The following SGCD variants were observed in gnomAD, a reference collection of about 807,000 sequenced individuals.
The protein encoded by SGCD is delta-sarcoglycan.
In SGCD, 18 loss-of-function variants were observed where a neutral mutation model predicts 36.6. The observed-to-expected ratio is 0.49, with a 90% CI of 0.34 to 0.73. SGCD has a LOEUF of 0.73. Among genes scored for constraint, SGCD ranks in the 30% least tolerant of loss-of-function variants. SGCD has a pLI of 0.01. For synonymous variants in SGCD, 133 were observed against 130.6 expected, an observed-to-expected ratio of 1.02 and a Z score of -0.12; for missense variants, 387 against 346.7, an observed-to-expected ratio of 1.12 and a Z score of -0.92.
chr5:156,605,764 C>A (rs1219218910), intron 6 of SGCD, among the ~76,000 whole-genome samples: 1 of 152,210 alleles, frequency 6.6e-6, no homozygotes, highest in East Asian at 1.9e-4. Context: ...GAGGGTATCT[C>A]ATTGTGGTTT....
intron 3 of SGCD, among the ~76,000 whole-genome samples, chr5:156,151,254 C>A (rs1038148900): frequency 7.3e-5 from 11 of 151,648 alleles, no homozygotes; most frequent in African/African-American, 2.7e-4. Flanking sequence ...GTATCTATGG[C>A]AGTCACCTGC....
At chr5:156,270,182 G>C (rs1766137171) in intron 3 of SGCD, among the ~76,000 whole-genome samples, 1 of 152,138 alleles carries the variant, frequency 6.6e-6, no homozygotes, top group Non-Finnish European at 1.5e-5. Context: ...GGTCATAGCT[G>C]TGTGGCCTTA....
chr5:156,667,816 G>A (rs922493653), intron 7 of SGCD, among the ~76,000 whole-genome samples: 1 of 152,146 alleles, frequency 6.6e-6, no homozygotes, highest in Non-Finnish European at 1.5e-5. Flanking sequence ...TCTTTCATCA[G>A]GGCTCAAGAA....
chr5:155,977,519 A>G (rs1238957501), intron 1 of SGCD, among the ~76,000 whole-genome samples: 1 of 152,224 alleles, frequency 6.6e-6, no homozygotes, highest in Admixed American at 6.5e-5. Flanking sequence ...GAATAAATGA[A>G]TGATTGGGTG....
chr5:156,724,583 G>A (rs1755677391), intron 7 of SGCD, among the ~76,000 whole-genome samples: 1 of 151,890 alleles, frequency 6.6e-6, no homozygotes, highest in African/African-American at 2.4e-5. Context: ...CTCCAGCCTG[G>A]GTGACAGAGC....
At chr5:155,951,186 G>T (rs1311328201) in intron 1 of SGCD, among the ~76,000 whole-genome samples, 2 of 152,054 alleles carry the variant, frequency 1.3e-5, no homozygotes, top group Non-Finnish European at 2.9e-5. Context: ...TCACATCAAA[G>T]TAGCAAGATC....
At chr5:155,988,245 A>G (rs1165928626) in intron 1 of SGCD, among the ~76,000 whole-genome samples, 6 of 152,122 alleles carry the variant, frequency 3.9e-5, no homozygotes, top group Non-Finnish European at 7.4e-5. Context: ...GTAACTCCAA[A>G]CATCACAAGC....
chr5:156,201,395 T>C (rs1265701732), intron 3 of SGCD, among the ~76,000 whole-genome samples: 1 of 152,172 alleles, frequency 6.6e-6, no homozygotes, highest in East Asian at 1.9e-4. Flanking sequence ...GCCCAGAACA[T>C]GCTTTCAGTA....
chr5:156,690,975 G>A (rs1754083403), intron 7 of SGCD, among the ~76,000 whole-genome samples: 1 of 152,032 alleles, frequency 6.6e-6, no homozygotes, highest in Non-Finnish European at 1.5e-5. Context: ...GGGAGTCCAA[G>A]GTGGGTGGAT....
intron 3 of SGCD, among the ~76,000 whole-genome samples, chr5:156,249,315 G>A (rs1254451073): frequency 6.6e-6 from 1 of 152,182 alleles, no homozygotes; most frequent in Non-Finnish European, 1.5e-5. Context: ...GCTGGGAGAT[G>A]AGAGTGTTCA....
chr5:156,566,289 T>C (rs1438445303), intron 4 of SGCD, among the ~76,000 whole-genome samples: 3 of 152,190 alleles, frequency 2.0e-5, no homozygotes, highest in Non-Finnish European at 4.4e-5. Context: ...AATAAAGATA[T>C]TGCCGGCATT....
intron 3 of SGCD, among the ~76,000 whole-genome samples, chr5:156,436,399 A>G (rs963112250): frequency 1.3e-5 from 2 of 152,238 alleles, no homozygotes; most frequent in African/African-American, 4.8e-5. Context: ...TTCTTATCAT[A>G]TTGAAATCAG....
chr5:156,642,484 T>A (rs1051653843), intron 6 of SGCD, among the ~76,000 whole-genome samples: 1 of 143,478 alleles, frequency 7.0e-6, no homozygotes, highest in African/African-American at 2.5e-5. Context: ...TTTTTTTTTT[T>A]TCCAAGACGG....
chr5:156,212,736 G>T (rs1465735754), intron 3 of SGCD, among the ~76,000 whole-genome samples: 1 of 152,054 alleles, frequency 6.6e-6, no homozygotes, highest in Non-Finnish European at 1.5e-5. Context: ...TTCTCGGATA[G>T]ATCACGTTAG....
chr5:155,784,834 G>A, the SGCD span, among the ~76,000 whole-genome samples: 2 of 151,866 alleles, frequency 1.3e-5, no homozygotes, highest in Admixed American at 6.6e-5. Context: ...GGTATCCCTC[G>A]TTCTTTCACC....
chr5:156,727,781 TA>T (rs1284972203), intron 7 of SGCD, among the ~76,000 whole-genome samples: 1 of 152,220 alleles, frequency 6.6e-6, no homozygotes, highest in Admixed American at 6.5e-5. Context: ...TAGGACTTAA[TA>T]GAGAAGGTAA....
chr5:156,044,005 T>G (rs915045043), intron 1 of SGCD, among the ~76,000 whole-genome samples: 2 of 152,166 alleles, frequency 1.3e-5, no homozygotes, highest in Admixed American at 6.5e-5. Flanking sequence ...GGGGGAGAAT[T>G]AAACATGTTT....
In SGCD at chr5:156,291,627, C is replaced by CT. The variant is rs541930599; in HGVS notation, c.-43-37899dup. Among the ~76,000 whole-genome samples the CT allele has an allele frequency of 8.7e-3, 1,315 of 151,834 alleles. 11 individuals carry two copies. The highest frequency in any genetic ancestry group is 0.017 in the Middle Eastern group (5 of 290). On this transcript the variant is annotated intron_variant, in intron 3 of 9. Transcript: ENST00000517913. Reference sequence around the variant, plus strand: ...ACAACGTAATATTTACTATCTTAACCTTTTTTTTCCTACTCTCTAAAGGGA... The same window carrying CT: ...ACAACGTAATATTTACTATCTTAACCTTTTTTTTTCCTACTCTCTAAAGGGA...
intron 6 of SGCD, among the ~76,000 whole-genome samples, chr5:156,595,544 A>T (rs1760892823): frequency 6.6e-6 from 1 of 152,300 alleles, no homozygotes; most frequent in East Asian, 1.9e-4. Context: ...AACCTCCCTG[A>T]GTCTGGTCCC....
Sources: gnomAD v4.1 joint callset for allele counts (sites outside exome capture counted in the v4.1 genomes callset) on GRCh38, gnomAD v4.1.1 for gene constraint, MANE v1.5 for transcripts, NCBI Gene and HGNC (gene_info 2026-07-23, HGNC 2026-07-21) for gene names.